CHFR: variants seen among roughly 807,000 people sequenced by gnomAD.
CHFR encodes checkpoint with forkhead and ring finger domains.
A neutral mutation model predicts 87.6 loss-of-function variants in CHFR; 57 were observed. That is an observed-to-expected ratio of 0.65 (90% CI 0.53 to 0.81). CHFR has a LOEUF of 0.81. Ranked by LOEUF, CHFR falls within the 30% of genes least tolerant of loss-of-function variation. The pLI, the probability that CHFR is intolerant of heterozygous loss-of-function variation, is 0.00. For missense variants in CHFR, 797 were observed against 865.8 expected (o/e 0.92, Z 1.00); for synonymous variants, 381 against 359.2 (o/e 1.06, Z -0.69).
Position 132,873,063 on chromosome 12 carries a change from A to G in CHFR, c.234-669T>C, listed in dbSNP as rs191861587. ...CAGCAAATCAGGTGTTGGTCAGGTG[A>G]CCAAGATCCAAGAGCACAGCATACC... On this transcript the variant is annotated intron_variant, in intron 3 of 17. Coordinates refer to ENST00000450056, the MANE Select transcript of CHFR (RefSeq NM_001161346.2). Among the ~76,000 whole-genome samples, 669 of 152,246 alleles carry G rather than the reference A, an allele frequency of 4.4e-3. 2 individuals carry two copies. Among genetic ancestry groups the G allele is most frequent in the Non-Finnish European group, 7.2e-3 (487 of 68,000 alleles).
rs1471040037 is a variant in CHFR at position 132,848,139 on chromosome 12, G to A, written c.1593C>T (p.Asp531=). 6.2e-7 allele frequency: 1 copy of A among 1,614,108 alleles called. No individual in the cohort carries two copies. Among genetic ancestry groups the A allele is most frequent in the African/African-American group, 1.3e-5 (1 of 75,012 alleles). ...TGTTCAGCACGCCGTCCAGACACTT[G>A]TCACCCAGGTTGAGCTCTGCCGAGA... ...LAPFCELNLG[D]KCLDGVLNNN... is the part of the protein sequence containing the mutation. The change falls in exon 14 of 18, where the codon GAC becomes GAT. Residue 531 remains aspartate (D), a synonymous_variant. Coordinates refer to ENST00000450056, the MANE Select transcript of CHFR (RefSeq NM_001161346.2).
At position 132,861,474 on chromosome 12, in the gene CHFR, C is replaced by T; in HGVS notation, c.744G>A (p.Met248Ile). ...ACACAACCAGACACTAACCTCCTCTCATTTTCTTCTTCACGGGCTCCAAAT... is the reference window on the plus strand; with the variant it reads ...ACACAACCAGACACTAACCTCCTCTTATTTTCTTCTTCACGGGCTCCAAAT... ...QEDLEPVKKKMRGDGDLDLNG... is the reference protein window; with the variant it reads ...QEDLEPVKKKIRGDGDLDLNG... Residue 248 changes from methionine (M) to isoleucine (I), a missense_variant, in exon 7 of 18, where the codon ATG (methionine) becomes ATA (isoleucine). By Grantham distance (10) the Met-to-Ile change is conservative. Coordinates refer to ENST00000450056, the MANE Select transcript of CHFR (RefSeq NM_001161346.2). The T allele has an allele frequency of 6.2e-7, 1 of 1,614,140 alleles. No homozygotes were observed.
rs925338183 is a variant in CHFR, at chr12:132,834,658, C to T, written c.*6896G>A. ...TGCTCCCTCTGCAAAGCACATCCCT[C>T]CCACCTCTTCTCTGTCACCAAGCCT... On this transcript the variant is annotated 3_prime_UTR_variant, in exon 18 of 18. Transcript: ENST00000450056. 3 of 152,228 alleles carry T rather than the reference C, an allele frequency of 2.0e-5. No homozygotes were observed. Among genetic ancestry groups the T allele is most frequent in the African/African-American group, 7.2e-5 (3 of 41,400 alleles). 9.4% of individuals were successfully genotyped at this position (152,228 alleles called of 1,614,324 possible).
At chr12:132,881,390 A>T (rs1951766049) in intron 2 of CHFR, among the ~76,000 whole-genome samples, 1 of 152,250 alleles carries the variant, frequency 6.6e-6, no homozygotes, top group Non-Finnish European at 1.5e-5. Context: ...TGTATAGAGA[A>T]CTCTGATAAC....
chr12:132,866,787 C>T (rs1440494992), intron 6 of CHFR: 2 of 152,248 alleles, frequency 1.3e-5, no homozygotes, highest in Non-Finnish European at 2.9e-5. Flanking sequence ...CTTCAGATGG[C>T]TGGGATGTCA....
chr12:132,850,101 C>A (rs1950907703), intron 12 of CHFR: 1 of 152,076 alleles, frequency 6.6e-6, no homozygotes, highest in Non-Finnish European at 1.5e-5. Flanking sequence ...CTACAGGCGC[C>A]CGCCACCATA....
chr12:132,879,241 C>T (rs888362955), intron 2 of CHFR, among the ~76,000 whole-genome samples: 1 of 152,006 alleles, frequency 6.6e-6, no homozygotes, highest in South Asian at 2.1e-4. Context: ...TTGATCCACC[C>T]GCCTCAGCCT....
chr12:132,864,034 AATTACAGGTGTGAATAAGG>A (rs376838234), intron 6 of CHFR, among the ~76,000 whole-genome samples: 1,800 of 152,148 alleles, frequency 0.012, 18 homozygotes, highest in Non-Finnish European at 0.016. Context: ...CAAGTGCTGG[AATTACAGGTGTGAATAAGG>A]ATTACAGGTG....
Position 132,841,596 on chromosome 12 carries a change from C to T in CHFR, c.1917G>A (p.Met639Ile). Residue 639 changes from methionine (M) to isoleucine (I), a missense_variant and splice_region_variant, in exon 18 of 18, where the codon ATG becomes ATA. Around this residue, in one of 2 missense-constraint regions of CHFR, gnomAD observed 200 missense variants for 264.6 expected, o/e 0.76. Transcript: ENST00000450056. ...CRTQVKAHHAMKFNHICEQTR... is the reference protein window; with the variant it reads ...CRTQVKAHHAIKFNHICEQTR... ...TCTGTTCACAGATATGATTGAATTT[C>T]CTGCAGGGAGAAAATGGCCAAATTA... 6.2e-7 allele frequency: 1 copy of T among 1,613,644 alleles called. No individual in the cohort carries two copies. The highest frequency in any genetic ancestry group is 8.5e-7 in the Non-Finnish European group (1 of 1,179,614).
rs1643218747 is a variant in CHFR at position 132,837,983 on chromosome 12, A to C, written c.*3571T>G. On this transcript the variant is annotated 3_prime_UTR_variant, in exon 18 of 18. Transcript: ENST00000450056. ...CCCAGTGCAGGGCTCCCGGCAACCT[A>C]GCGGCCCTGGCAGTGACTCTGGGGC... 1 of 152,306 alleles carries C rather than the reference A, an allele frequency of 6.6e-6. No homozygotes were observed. Among genetic ancestry groups the C allele is most frequent in the Non-Finnish European group, 1.5e-5 (1 of 68,114 alleles). The allele number at this position is 152,306 out of a possible 1,614,324, so 9.4% of individuals were successfully genotyped here. A position where few individuals can be genotyped will look rare whatever the true frequency, so the allele number is the denominator to read the frequency against.
chr12:132,863,130 TC>T (rs1161341798), intron 6 of CHFR, among the ~76,000 whole-genome samples: 1 of 146,482 alleles, frequency 6.8e-6, no homozygotes, highest in East Asian at 2.2e-4. Context: ...TCTCCTGACC[TC>T]GTGATCCACC....
At chr12:132,861,298 G>T (rs1280040846) in intron 7 of CHFR, among the ~76,000 whole-genome samples, 169 bp downstream of exon 7, 1 of 152,150 alleles carries the variant, frequency 6.6e-6, no homozygotes, top group Non-Finnish European at 1.5e-5. Context: ...AAAAAAACAG[G>T]CCCAGGTTTT....
At position 132,836,683 on chromosome 12, in the gene CHFR, T is replaced by C. The variant is rs1198996239; in HGVS notation, c.*4871A>G. Reference sequence around the variant, plus strand: ...AGTGTCTGCTCTGTGTGAGGAACTTTAAGACCCCACCATCTAGACTCACCG... The same window carrying C: ...AGTGTCTGCTCTGTGTGAGGAACTTCAAGACCCCACCATCTAGACTCACCG... On this transcript the variant is annotated 3_prime_UTR_variant, in exon 18 of 18. Coordinates refer to ENST00000450056, the MANE Select transcript of CHFR (RefSeq NM_001161346.2). 1 of 455,972 alleles carries C rather than the reference T, an allele frequency of 2.2e-6. No homozygotes were observed. Among genetic ancestry groups the C allele is most frequent in the East Asian group, 6.9e-5 (1 of 14,412 alleles). 28.2% of individuals were successfully genotyped at this position (455,972 alleles called of 1,614,324 possible).
At chr12:132,858,370 A>G (rs1951131679) in intron 8 of CHFR, among the ~76,000 whole-genome samples, 1 of 151,602 alleles carries the variant, frequency 6.6e-6, no homozygotes, top group African/African-American at 2.4e-5. Flanking sequence ...CAAAAAACAA[A>G]AACAAAAACA....
At chr12:132,861,728 T>G in intron 6 of CHFR, 94 bp from the exon 7 acceptor site, 1 of 1,203,182 alleles carries the variant, frequency 8.3e-7, no homozygotes, top group South Asian at 1.4e-5. Context: ...CCAGTGCAGC[T>G]GGCAGCCTGA....
chr12:132,832,788 C>T lies in CHFR; in HGVS notation c.*8766G>A, dbSNP rs1228791420. Reference sequence around the variant, plus strand: ...CAATTTCTATGCAATAAAATATACCCGTGTTGTGTGTGCAGTTCAGCGACT... The same window carrying T: ...CAATTTCTATGCAATAAAATATACCTGTGTTGTGTGTGCAGTTCAGCGACT... On this transcript the variant is annotated 3_prime_UTR_variant, in exon 18 of 18. Coordinates refer to ENST00000450056, the MANE Select transcript of CHFR (RefSeq NM_001161346.2). The T allele has an allele frequency of 2.6e-5, 4 of 152,108 alleles. No individual in the cohort carries two copies. Among genetic ancestry groups the T allele is most frequent in the Non-Finnish European group, 5.9e-5 (4 of 68,030 alleles). 9.4% of individuals were successfully genotyped at this position (152,108 alleles called of 1,614,324 possible).
At chr12:132,862,383 A>T (rs1004863721) in intron 6 of CHFR, 25 of 433,980 alleles carry the variant, frequency 5.8e-5, no homozygotes, top group African/African-American at 4.4e-4. Context: ...ACTTGATCCC[A>T]GGAGTTTTAG....
chr12:132,845,448 AT>A (rs1327528234), intron 15 of CHFR, among the ~76,000 whole-genome samples: 3 of 150,682 alleles, frequency 2.0e-5, no homozygotes, highest in Non-Finnish European at 4.4e-5. Context: ...ACACAGCAAG[AT>A]TCCATCTCAA....
intron 1 of CHFR, 51 bp downstream of exon 1, chr12:132,887,496 A>C (rs1411533952): frequency 7.1e-6 from 2 of 282,374 alleles, no homozygotes; most frequent in Non-Finnish European, 1.1e-5. Flanking sequence ...CACGGCCGCA[A>C]CCAGGTCCCC....
Sources: gnomAD v4.1 joint callset for allele counts (sites outside exome capture counted in the v4.1 genomes callset) on GRCh38, gnomAD v4.1.1 for gene constraint, gnomAD v4.1.1 regional missense constraint, MANE v1.5 for transcripts, NCBI Gene and HGNC (gene_info 2026-07-23, HGNC 2026-07-21) for gene names.